The following ATRNL1 variants were observed in gnomAD, a reference collection of about 807,000 sequenced individuals.
ATRNL1 encodes the protein attractin like 1.
Under a neutral mutation model 182.7 loss-of-function variants are expected in ATRNL1, and 95 were observed. The observed-to-expected ratio is 0.52, with a 90% CI of 0.44 to 0.62. The LOEUF (loss-of-function observed/expected upper bound fraction) is 0.62. ATRNL1 is among the 20% of genes least tolerant of loss of function. The pLI is 0.00. For missense variants in ATRNL1, 1,471 were observed against 1,679.5 expected, an observed-to-expected ratio of 0.88 and a Z score of 2.17; for synonymous variants, 576 against 568.3, an observed-to-expected ratio of 1.01 and a Z score of -0.19.
At chr10:115,363,988 A>C (rs1399922112) in intron 19 of ATRNL1, among the ~76,000 whole-genome samples, 1 of 152,032 alleles carries the variant, frequency 6.6e-6, no homozygotes, top group Non-Finnish European at 1.5e-5. Context: ...CTTAGGATTG[A>C]CTTGGTGATG....
At chr10:115,133,009 G>A (rs1305080739) in intron 5 of ATRNL1, among the ~76,000 whole-genome samples, 1 of 152,174 alleles carries the variant, frequency 6.6e-6, no homozygotes, top group African/African-American at 2.4e-5. Flanking sequence ...CCTTGCCCAT[G>A]CCTATGTCCT....
chr10:115,553,342 G>A (rs1220888324), intron 26 of ATRNL1, among the ~76,000 whole-genome samples: 1 of 151,286 alleles, frequency 6.6e-6, no homozygotes, highest in Admixed American at 6.6e-5. Flanking sequence ...TTACTAGTGA[G>A]TCTGAGTATT....
chr10:115,548,710 A>G (rs1333808612), intron 25 of ATRNL1, among the ~76,000 whole-genome samples: 3 of 152,210 alleles, frequency 2.0e-5, no homozygotes, highest in African/African-American at 7.2e-5. Flanking sequence ...AATATATTAG[A>G]CCACATGTAT....
intron 26 of ATRNL1, among the ~76,000 whole-genome samples, chr10:115,596,257 C>T (rs374016754): frequency 5.1e-4 from 78 of 152,178 alleles, no homozygotes; most frequent in African/African-American, 1.8e-3. Context: ...AGGCACCTGC[C>T]ACCACACCCA....
At chr10:115,220,229 T>C (rs2144436851) in intron 9 of ATRNL1, 1 of 152,362 alleles carries the variant, frequency 6.6e-6, no homozygotes, top group East Asian at 1.9e-4. Context: ...AGGGCTTCTA[T>C]GGTTTAGCAA....
intron 18 of ATRNL1, among the ~76,000 whole-genome samples, chr10:115,319,980 A>G (rs1554930905): frequency 6.6e-6 from 1 of 150,708 alleles, no homozygotes; most frequent in African/African-American, 2.4e-5. Context: ...CAGTTTCTTC[A>G]TTAGTGTCAT....
In ATRNL1 at chr10:115,663,211, G is replaced by T. The variant is rs1328252349; in HGVS notation, c.3796-64037G>T. Among the ~76,000 whole-genome samples, 3 of 151,946 alleles carry T rather than the reference G, an allele frequency of 2.0e-5. No homozygotes were observed. The South Asian group carries it at 6.2e-4, about 32-fold the overall frequency. On this transcript the variant is annotated intron_variant, in intron 26 of 28. Transcript: ENST00000355044. ...CCACTTATCCAGTGAGTAAACTGAG[G>T]TTCAAAGAATTTAGATAACTTGATA...
intron 27 of ATRNL1, among the ~76,000 whole-genome samples, chr10:115,731,690 G>T (rs1303977829): frequency 6.7e-6 from 1 of 150,166 alleles, no homozygotes; most frequent in Non-Finnish European, 1.5e-5. Context: ...ATAATGCACT[G>T]ATTTTTGGTA....
intron 19 of ATRNL1, among the ~76,000 whole-genome samples, chr10:115,360,661 T>A (rs74159849): frequency 0.041 from 6,237 of 151,016 alleles, 401 homozygotes; most frequent in African/African-American, 0.14. Flanking sequence ...TCTTTTTTTT[T>A]TAAAAAAAAA....
chr10:115,503,785 T>G (rs1265315515), intron 24 of ATRNL1, among the ~76,000 whole-genome samples: 1 of 152,002 alleles, frequency 6.6e-6, no homozygotes, highest in Non-Finnish European at 1.5e-5. Context: ...ACATCACTTT[T>G]TCTTAAACAA....
intron 20 of ATRNL1, among the ~76,000 whole-genome samples, chr10:115,406,106 G>T (rs892873031): frequency 2.9e-4 from 44 of 151,776 alleles, no homozygotes; most frequent in African/African-American, 1.0e-3. Context: ...TGGACATTTG[G>T]GTTAGTTCCA....
chr10:115,230,211 T>C (rs541314040), intron 9 of ATRNL1, among the ~76,000 whole-genome samples: 26 of 152,206 alleles, frequency 1.7e-4, no homozygotes, highest in Non-Finnish European at 3.1e-4. Context: ...AGGCAGACAA[T>C]AAATATGGAA....
chr10:115,799,329 A>G (rs1458204050), intron 27 of ATRNL1, among the ~76,000 whole-genome samples: 1 of 152,182 alleles, frequency 6.6e-6, no homozygotes. Flanking sequence ...TGAAACATGG[A>G]ATGATTGGAA....
At chr10:115,537,290 C>T (rs1852089137) in intron 25 of ATRNL1, among the ~76,000 whole-genome samples, 1 of 152,170 alleles carries the variant, frequency 6.6e-6, no homozygotes, top group African/African-American at 2.4e-5. Context: ...AGAGTCATAT[C>T]AGTAACTTCA....
chr10:115,596,155 C>G (rs2804214), intron 26 of ATRNL1, among the ~76,000 whole-genome samples: 72,384 of 151,914 alleles, frequency 0.48, 18,714 homozygotes, highest in East Asian at 0.84. Context: ...ACCCAAGCAG[C>G]AGCGCAATGA....
At chr10:115,293,838 A>G (rs1286747313) in intron 15 of ATRNL1, among the ~76,000 whole-genome samples, 1 of 152,168 alleles carries the variant, frequency 6.6e-6, no homozygotes, top group Non-Finnish European at 1.5e-5. Flanking sequence ...TATTGCTGAA[A>G]TGGGGATTTT....
chr10:115,205,237 A>G (rs1398419298), intron 8 of ATRNL1, among the ~76,000 whole-genome samples: 1 of 151,962 alleles, frequency 6.6e-6, no homozygotes, highest in Non-Finnish European at 1.5e-5. Flanking sequence ...AGTGAGTTTT[A>G]TACTTTCATA....
At chr10:115,826,592 G>A (rs782742540) in intron 27 of ATRNL1, among the ~76,000 whole-genome samples, 30 of 152,108 alleles carry the variant, frequency 2.0e-4, no homozygotes, top group Non-Finnish European at 3.1e-4. Context: ...AGCAAATTCC[G>A]GGTTCTTGTC....
At chr10:115,828,897 A>G (rs1950499170) in intron 27 of ATRNL1, among the ~76,000 whole-genome samples, 1 of 152,218 alleles carries the variant, frequency 6.6e-6, no homozygotes, top group African/African-American at 2.4e-5. Context: ...AAAAAATGTA[A>G]TGTCCCATTA....
Sources: gnomAD v4.1 joint callset for allele counts (sites outside exome capture counted in the v4.1 genomes callset) on GRCh38, gnomAD v4.1.1 for gene constraint, MANE v1.5 for transcripts, NCBI Gene and HGNC (gene_info 2026-07-23, HGNC 2026-07-21) for gene names.